The following AKT3 variants were observed in gnomAD, a reference collection of about 807,000 sequenced individuals.
The protein encoded by AKT3 is RAC-gamma serine/threonine-protein kinase.
AKT3 carries 15 observed loss-of-function variants against 65.3 expected under a neutral mutation model. The observed-to-expected ratio is 0.23, with a 90% CI of 0.15 to 0.35. The LOEUF (loss-of-function observed/expected upper bound fraction) is 0.35. Among genes scored for constraint, AKT3 ranks in the 10% least tolerant of loss-of-function variants. The pLI is 1.00. For synonymous variants in AKT3, 206 were observed against 183.8 expected, an observed-to-expected ratio of 1.12 and a Z score of -0.98; for missense variants, 243 against 576.5, an observed-to-expected ratio of 0.42 and a Z score of 5.92.
downstream of AKT3, among the ~76,000 whole-genome samples, chr1:243,496,302 C>G (rs1030493339): frequency 2.6e-5 from 4 of 152,146 alleles, no homozygotes; most frequent in Non-Finnish European, 5.9e-5. Flanking sequence ...GAACAGCTGC[C>G]GAGCCCTGGC....
rs77908995 is a variant in AKT3, at chr1:243,490,450, T to G, written c.*7-2000A>C. Among the ~76,000 whole-genome samples the G allele has an allele frequency of 7.0e-3, 1,061 of 152,348 alleles. 11 individuals carry two copies. Among genetic ancestry groups the G allele is most frequent in the African/African-American group, 0.024 (992 of 41,584 alleles). On this transcript the variant is annotated intron_variant, in intron 13 of 13. Coordinates refer to the AKT3 transcript ENST00000336199. ...AATTTTGCCAAGCTGTTGGGATGATTCTGGACGACACTACATTTTGAAAAC... is the reference window on the plus strand; with the variant it reads ...AATTTTGCCAAGCTGTTGGGATGATGCTGGACGACACTACATTTTGAAAAC...
chr1:243,739,673 C>T (rs1238705272), intron 2 of AKT3: 1 of 152,154 alleles, frequency 6.6e-6, no homozygotes, highest in Admixed American at 6.5e-5. Context: ...AGCCCCTCAA[C>T]CACGTCCTGC....
rs183179785 is a variant in AKT3, at chr1:243,606,012, G to A, written c.696+7659C>T. Among the ~76,000 whole-genome samples the A allele has an allele frequency of 1.7e-3, 255 of 152,200 alleles. 1 individual carries two copies. Among genetic ancestry groups the A allele is most frequent in the African/African-American group, 5.9e-3 (244 of 41,530 alleles). On this transcript the variant is annotated intron_variant, in intron 8 of 13. Transcript: ENST00000673466. ...TAGCACTTCTCTCTCCTGCTCCTAT[G>A]TGAAGAAGGACATGTTTGCTTCCCC...
At chr1:243,561,381 C>CA (rs1351428016) in intron 10 of AKT3, among the ~76,000 whole-genome samples, 1 of 152,016 alleles carries the variant, frequency 6.6e-6, no homozygotes, top group Non-Finnish European at 1.5e-5. Context: ...AAGTGGTCTT[C>CA]AAATTAGGAT....
At chr1:243,600,628 C>G (rs1345696290) in intron 8 of AKT3, among the ~76,000 whole-genome samples, 1 of 151,948 alleles carries the variant, frequency 6.6e-6, no homozygotes, top group Non-Finnish European at 1.5e-5. Context: ...GAAACATGAC[C>G]CTTATGTAGC....
intron 2 of AKT3, among the ~76,000 whole-genome samples, chr1:243,738,670 G>A (rs935586725): frequency 2.6e-5 from 4 of 152,108 alleles, no homozygotes; most frequent in African/African-American, 7.2e-5. Context: ...AGGATGAACA[G>A]ATAATGACAC....
At chr1:243,799,404 G>T (rs1692244400) in intron 2 of AKT3, among the ~76,000 whole-genome samples, 1 of 152,122 alleles carries the variant, frequency 6.6e-6, no homozygotes, top group Admixed American at 6.5e-5. Flanking sequence ...TCTGAGAACT[G>T]CACATTTACC....
chr1:243,530,933 A>G (rs949875109), intron 12 of AKT3, among the ~76,000 whole-genome samples: 5 of 152,244 alleles, frequency 3.3e-5, no homozygotes, highest in African/African-American at 9.6e-5. Flanking sequence ...TTAAGCATTA[A>G]GAGTAGAAAA....
chr1:243,508,372 CCA>C (rs2148352520), intron 13 of AKT3, among the ~76,000 whole-genome samples: 1 of 152,336 alleles, frequency 6.6e-6, no homozygotes, highest in South Asian at 2.1e-4. Flanking sequence ...CTCTGCTGAG[CCA>C]CACAGACAGC....
intron 2 of AKT3, among the ~76,000 whole-genome samples, chr1:243,792,609 T>A (rs1691698157): frequency 6.6e-6 from 1 of 151,774 alleles, no homozygotes; most frequent in African/African-American, 2.4e-5. Context: ...ATCCTAGGAG[T>A]AGGAATGCTT....
In AKT3 at chr1:243,746,626, C is replaced by T. The variant is rs191161725; in HGVS notation, c.47-50910G>A. On this transcript the variant is annotated intron_variant, in intron 2 of 13. Transcript: ENST00000673466. Reference sequence around the variant, plus strand: ...GCCAGGACCTCTGATTTCTAATGTACCTGAAACTAACATACTCTACAGAAA... The same window carrying T: ...GCCAGGACCTCTGATTTCTAATGTATCTGAAACTAACATACTCTACAGAAA... 3.7e-3 allele frequency among the ~76,000 whole-genome samples: 563 copies of T among 152,314 alleles called. 2 individuals carry two copies. The highest frequency in any genetic ancestry group is 6.1e-3 in the Admixed American group (93 of 15,294).
intron 6 of AKT3, 95 bp downstream of exon 6, chr1:243,637,516 G>T: frequency 1.8e-6 from 2 of 1,085,410 alleles, no homozygotes; most frequent in Non-Finnish European, 1.3e-6. Flanking sequence ...GTTGTTTAAT[G>T]GAATTTGCAT....
intron 6 of AKT3, among the ~76,000 whole-genome samples, chr1:243,627,574 G>A (rs767321244): frequency 6.6e-5 from 10 of 152,044 alleles, no homozygotes; most frequent in African/African-American, 9.7e-5. Context: ...ACATTATGAC[G>A]GTATCAGAAA....
At chr1:243,628,687 T>C (rs1004629618) in intron 6 of AKT3, among the ~76,000 whole-genome samples, 2 of 152,312 alleles carry the variant, frequency 1.3e-5, no homozygotes, top group African/African-American at 2.4e-5. Context: ...CAAATGCTAG[T>C]GTCTTACAAA....
chr1:243,843,575 T>C, intron 1 of AKT3: 1 of 1,022,202 alleles, frequency 9.8e-7, no homozygotes, highest in Non-Finnish European at 1.2e-6. Flanking sequence ...TTTGGTGATG[T>C]GTATTTGAGG....
chr1:243,627,331 T>TAA (rs199839602), intron 6 of AKT3, among the ~76,000 whole-genome samples: 1,973 of 143,022 alleles, frequency 0.014, 47 homozygotes, highest in African/African-American at 0.047. Context: ...CTGTTTCAAT[T>TAA]AAAAAAAAAA....
At chr1:243,533,973 G>C (rs947876142) in intron 12 of AKT3, among the ~76,000 whole-genome samples, 1 of 152,184 alleles carries the variant, frequency 6.6e-6, no homozygotes, top group Non-Finnish European at 1.5e-5. Context: ...CTGGGCAACA[G>C]AGCGAGACTC....
At chr1:243,545,708 G>A in intron 11 of AKT3, 111 bp from the exon 12 acceptor site, 4 of 704,944 alleles carry the variant, frequency 5.7e-6, no homozygotes, top group Non-Finnish European at 7.0e-6. Flanking sequence ...ACAGTTCTTG[G>A]GATAAATAGC....
At chr1:243,780,711 T>C (rs373667087) in intron 2 of AKT3, among the ~76,000 whole-genome samples, 1 of 151,914 alleles carries the variant, frequency 6.6e-6, no homozygotes, top group East Asian at 1.9e-4. Flanking sequence ...GTAATGAGCA[T>C]ATAAACTTTG....
Sources: allele counts gnomAD v4.1 joint callset (sites outside exome capture counted in the v4.1 genomes callset), GRCh38; gene constraint gnomAD v4.1.1; transcripts MANE v1.5; gene names NCBI Gene and HGNC (gene_info 2026-07-23, HGNC 2026-07-21).